Variants in WDTC1 observed in about 807,000 individuals in gnomAD.
The protein encoded by WDTC1 is WD and tetratricopeptide repeats protein 1.
A neutral mutation model predicts 76.0 loss-of-function variants in WDTC1; 12 were observed. The observed-to-expected ratio is 0.16, with a 90% CI of 0.10 to 0.26. The LOEUF is 0.26. Ranked by LOEUF, WDTC1 falls within the 10% of genes least tolerant of loss-of-function variation. WDTC1 has a pLI of 1.00. For synonymous variants in WDTC1, 326 were observed against 350.8 expected, an observed-to-expected ratio of 0.93 and a Z score of 0.79; for missense variants, 511 against 908.8, an observed-to-expected ratio of 0.56 and a Z score of 5.63.
rs1422100333 is a variant in WDTC1, at chr1:27,274,904, A to G, written c.133-7335A>G. On this transcript the variant is annotated intron_variant, in intron 3 of 15. Coordinates refer to ENST00000319394, the MANE Select transcript of WDTC1 (RefSeq NM_001276252.2). The surrounding 1 kb of genome is among the most constrained non-coding windows in gnomAD (Gnocchi z 4.2). ...TTAGACACATGGTAGAGAGAAGAAG[A>G]AAGGAATCTCACTTTACAAATCAGA... Among the ~76,000 whole-genome samples, 1 of 152,226 alleles carries G rather than the reference A, an allele frequency of 6.6e-6. No individual in the cohort carries two copies. Among genetic ancestry groups the G allele is most frequent in the East Asian group, 1.9e-4 (1 of 5,202 alleles).
chr1:27,298,137 T>C (rs779908853), intron 12 of WDTC1, 26 bp downstream of exon 12: 70 of 1,553,114 alleles, frequency 4.5e-5, no homozygotes, highest in Non-Finnish European at 6.0e-5. Flanking sequence ...AGAGGGGATC[T>C]GGGTCAGGAT....
chr1:27,306,083 T>G lies in WDTC1; in HGVS notation c.1837-103T>G. On this transcript the variant is annotated intron_variant, in intron 15 of 15. Coordinates refer to ENST00000319394, the MANE Select transcript of WDTC1 (RefSeq NM_001276252.2). The surrounding 1 kb of genome is among the most constrained non-coding windows in gnomAD (Gnocchi z 5.0). ...TGGCATGTATGTGTACCTCCCCCTATAGATAGTTTAGTCTGTGTATTTCCC... is the reference window on the plus strand; with the variant it reads ...TGGCATGTATGTGTACCTCCCCCTAGAGATAGTTTAGTCTGTGTATTTCCC... 1 of 1,293,790 alleles carries G rather than the reference T, an allele frequency of 7.7e-7. No individual in the cohort carries two copies. The highest frequency in any genetic ancestry group is 1.1e-6 in the Non-Finnish European group (1 of 920,402). 80.1% of individuals were successfully genotyped at this position (1,293,790 alleles called of 1,614,324 possible). A position where few individuals can be genotyped will look rare whatever the true frequency, so the allele number is the denominator to read the frequency against.
chr1:27,254,978 A>G lies in WDTC1; in HGVS notation c.-99-5978A>G, dbSNP rs182869761. Among the ~76,000 whole-genome samples, 371 of 151,778 alleles carry G rather than the reference A, an allele frequency of 2.4e-3. 1 individual carries two copies. The highest frequency in any genetic ancestry group is 8.8e-3 in the African/African-American group (365 of 41,386). ...TAAACCTGTCTACCAATTTGATCCC[A>G]ACTTCCATTTTACCATTTACCTGAA... On this transcript the variant is annotated intron_variant, in intron 1 of 15. Coordinates refer to ENST00000319394, the MANE Select transcript of WDTC1 (RefSeq NM_001276252.2).
chr1:27,265,084 G>A (rs1372036687), intron 3 of WDTC1, among the ~76,000 whole-genome samples: 1 of 152,126 alleles, frequency 6.6e-6, no homozygotes, highest in Non-Finnish European at 1.5e-5. Context: ...GATTACAGGT[G>A]TGAGCTACTG....
In WDTC1 at chr1:27,294,625, A is replaced by G; in HGVS notation, c.869A>G (p.Glu290Gly). The change falls in exon 9 of 16, where the codon GAA becomes GGA. Residue 290 changes from glutamate to glycine, a missense_variant. Glu to Gly is a moderately conservative substitution (Grantham distance 98, BLOSUM62 -2). Coordinates refer to ENST00000319394, the MANE Select transcript of WDTC1 (RefSeq NM_001276252.2). ...GAGCTACTAGTCAACATGGGGGGGG[A>G]ACAGGTATGTACAGCATAAGGTGGT... ...GTELLVNMGG[E>G]QVYLFDLTYK... is the part of the protein sequence containing the mutation. 2 of 1,613,534 alleles carry G rather than the reference A, an allele frequency of 1.2e-6. No individual in the cohort carries two copies. The highest frequency in any genetic ancestry group is 1.7e-6 in the Non-Finnish European group (2 of 1,179,644).
intron 1 of WDTC1, among the ~76,000 whole-genome samples, chr1:27,244,359 C>T (rs1306624818): frequency 1.3e-5 from 2 of 152,052 alleles, no homozygotes; most frequent in Non-Finnish European, 2.9e-5. Context: ...GAGACAGCGC[C>T]TCACTTTGTC....
intron 3 of WDTC1, among the ~76,000 whole-genome samples, chr1:27,266,109 A>G (rs1034120484): frequency 1.3e-5 from 2 of 152,180 alleles, no homozygotes; most frequent in African/African-American, 4.8e-5. Context: ...ATGGAATGGG[A>G]TGCCTGAATA....
rs571181359 is a variant in WDTC1, at chr1:27,299,305, G to T, written c.1232+1194G>T. 2.0e-5 allele frequency among the ~76,000 whole-genome samples: 3 copies of T among 152,290 alleles called. No homozygotes were observed. In the South Asian group the frequency reaches 6.2e-4, roughly 32 times the overall value. On this transcript the variant is annotated intron_variant, in intron 12 of 15. Coordinates refer to ENST00000319394, the MANE Select transcript of WDTC1 (RefSeq NM_001276252.2). ...AGCCTCTCCAGACAGTGGGTAAAGTGGTGGACATAGTTCAGCATTAAAGAG... is the reference window on the plus strand; with the variant it reads ...AGCCTCTCCAGACAGTGGGTAAAGTTGTGGACATAGTTCAGCATTAAAGAG...
rs148256466 is a variant in WDTC1 at position 27,287,733 on chromosome 1, T to C, written c.351T>C (p.His117=). 8.7e-6 allele frequency: 14 copies of C among 1,613,978 alleles called. No individual in the cohort carries two copies. Among genetic ancestry groups the C allele is most frequent in the African/African-American group, 1.3e-5 (1 of 74,914 alleles). Residue 117 remains histidine (H), a synonymous_variant, in exon 6 of 16, where the codon CAT becomes CAC. Transcript: ENST00000319394. ...CGGGGGCAGCCGACTCTAAGGTGCATGTGCACGACCTGACAGTAAAGGAGA... is the reference window on the plus strand; with the variant it reads ...CGGGGGCAGCCGACTCTAAGGTGCACGTGCACGACCTGACAGTAAAGGAGA... ...LITGAADSKV[H]VHDLTVKETI...
chr1:27,249,000 G>A (rs1208784782), intron 1 of WDTC1, among the ~76,000 whole-genome samples: 3 of 152,106 alleles, frequency 2.0e-5, no homozygotes, highest in Non-Finnish European at 1.5e-5. Context: ...CAGCTCAGTG[G>A]CTCACACCTG....
rs1458469916 is a variant in WDTC1, at chr1:27,305,187, A to C, written c.1830A>C (p.Arg610=). Residue 610 remains arginine, a synonymous_variant, in exon 15 of 16, where the codon CGA becomes CGC. Coordinates refer to ENST00000319394, the MANE Select transcript of WDTC1 (RefSeq NM_001276252.2). This position sits in a 1 kb window ranked among gnomAD's most constrained non-coding sequence, Gnocchi z 4.6. ...CTGTTGTGCGGCTCTGGAACCCCCG[A>C]CCAGAGGTGAGGGTGCAGAGCCAAG... ...IDPVVRLWNP[R]PESEDLTGRV... 1.5e-5 allele frequency: 25 copies of C among 1,613,434 alleles called. No homozygotes were observed. The highest frequency in any genetic ancestry group is 2.1e-5 in the Non-Finnish European group (25 of 1,179,808).
intron 5 of WDTC1, among the ~76,000 whole-genome samples, chr1:27,285,520 T>G (rs2013306187): frequency 6.6e-6 from 1 of 152,200 alleles, no homozygotes; most frequent in African/African-American, 2.4e-5. Context: ...AAAAAGATAT[T>G]TCAATTTTTT....
chr1:27,253,117 T>G (rs1033961846), intron 1 of WDTC1, among the ~76,000 whole-genome samples: 2 of 150,440 alleles, frequency 1.3e-5, no homozygotes, highest in African/African-American at 4.9e-5. Context: ...CAGGTGATTC[T>G]CCTGCCTCAG....
intron 1 of WDTC1, among the ~76,000 whole-genome samples, chr1:27,240,829 G>C (rs1028576831): frequency 4.6e-5 from 7 of 152,164 alleles, no homozygotes; most frequent in African/African-American, 1.7e-4. Flanking sequence ...ACAAAAATTA[G>C]CCTGGCGTGG....
At chr1:27,292,117 C>A in intron 6 of WDTC1, 98 bp from the exon 7 acceptor site, 2 of 1,277,662 alleles carry the variant, frequency 1.6e-6, no homozygotes, top group Non-Finnish European at 2.1e-6. Flanking sequence ...GGTCCAAAGT[C>A]CCTCCCAATC....
At chr1:27,300,665 T>C (rs1327728454) in intron 12 of WDTC1, among the ~76,000 whole-genome samples, 1 of 151,682 alleles carries the variant, frequency 6.6e-6, no homozygotes, top group Non-Finnish European at 1.5e-5. Context: ...CCCCAGGAGG[T>C]AGAGGCCACA....
chr1:27,261,391 C>T (rs890325446), intron 2 of WDTC1, among the ~76,000 whole-genome samples: 1 of 152,128 alleles, frequency 6.6e-6, no homozygotes, highest in African/African-American at 2.4e-5. Context: ...ACATACACAT[C>T]CTTGTGTTGG....
chr1:27,245,762 C>T (rs1202443455), intron 1 of WDTC1, among the ~76,000 whole-genome samples: 2 of 151,336 alleles, frequency 1.3e-5, no homozygotes, highest in South Asian at 4.2e-4. Flanking sequence ...TAGAGACGAG[C>T]TTTCACCATG....
chr1:27,268,894 T>C (rs538357059), intron 3 of WDTC1, among the ~76,000 whole-genome samples: 3 of 151,054 alleles, frequency 2.0e-5, no homozygotes, highest in Admixed American at 2.0e-4. Context: ...TTTGTATTTT[T>C]AGTAGAGATG....
Sources: gnomAD v4.1 joint callset for allele counts (sites outside exome capture counted in the v4.1 genomes callset) on GRCh38, gnomAD v4.1.1 for gene constraint, Gnocchi (gnomAD v3.1) non-coding constraint, MANE v1.5 for transcripts, NCBI Gene and HGNC (gene_info 2026-07-23, HGNC 2026-07-21) for gene names.